NELFCD: variants seen among roughly 807,000 people sequenced by gnomAD.
NELFCD encodes the protein negative elongation factor C/D.
NELFCD carries 48 observed loss-of-function variants against 72.9 expected under a neutral mutation model. That is an observed-to-expected ratio of 0.66 (90% CI 0.52 to 0.84). The LOEUF (loss-of-function observed/expected upper bound fraction) is 0.84, where lower values mean the gene tolerates loss of function less well. Ranked by LOEUF, NELFCD falls within the 40% of genes least tolerant of loss-of-function variation. NELFCD has a pLI of 0.00. For synonymous variants in NELFCD, 297 were observed against 280.6 expected (o/e 1.06, Z -0.59); for missense variants, 538 against 723.8 (o/e 0.74, Z 2.94).
chr20:58,984,893 G>C (rs1173164316), intron 1 of NELFCD, among the ~76,000 whole-genome samples: 1 of 152,190 alleles, frequency 6.6e-6, no homozygotes, highest in Non-Finnish European at 1.5e-5. Flanking sequence ...GGTGAAGTCC[G>C]GCCTCTGTCA....
chr20:58,985,437 G>A (rs1009842600), intron 1 of NELFCD, among the ~76,000 whole-genome samples: 2 of 152,194 alleles, frequency 1.3e-5, no homozygotes, highest in African/African-American at 4.8e-5. Context: ...AGTTGGACAG[G>A]GTTTGGGATC....
chr20:58,981,453 G>A (rs1270135872), intron 1 of NELFCD, 84 bp downstream of exon 1: 1 of 520,184 alleles, frequency 1.9e-6, no homozygotes, highest in Non-Finnish European at 2.5e-6. Context: ...GAGAGGCCGC[G>A]CGGCGCGAGG....
chr20:58,993,858 A>G lies in NELFCD; in HGVS notation c.1581+94A>G, dbSNP rs1046297000. The G allele has an allele frequency of 9.2e-6, 13 of 1,407,390 alleles. No homozygotes were observed. In the African/African-American group the frequency reaches 1.6e-4, roughly 17 times the overall value. 87.2% of individuals were successfully genotyped at this position (1,407,390 alleles called of 1,614,324 possible). On this transcript the variant is annotated intron_variant, in intron 13 of 14. Transcript: ENST00000652272. The surrounding 1 kb of genome is among the most constrained non-coding windows in gnomAD (Gnocchi z 5.0). ...TAGTTCATTTTGTACCTAACTGAGA[A>G]CTGTGCTTTCTGATGTAGTGATGAC...
In NELFCD at chr20:58,986,460, G is replaced by T; in HGVS notation, c.176+252G>T. 1.8e-6 allele frequency: 1 copy of T among 557,040 alleles called. No individual in the cohort carries two copies. Among genetic ancestry groups the T allele is most frequent in the Admixed American group, 3.5e-5 (1 of 28,254 alleles). The allele number at this position is 557,040 out of a possible 1,614,324, so 34.5% of individuals were successfully genotyped here. ...GGAATCAAGCAGTTCTCCCACCTCA[G>T]CCTTGCAAGGTGGCCACCACAGGCG... On this transcript the variant is annotated intron_variant, in intron 2 of 14. Transcript: ENST00000652272. This position sits in a 1 kb window ranked among gnomAD's most constrained non-coding sequence, Gnocchi z 4.4.
At chr20:58,989,187 T>C (rs1329983315) in intron 5 of NELFCD, 166 bp downstream of exon 5, 2 of 636,024 alleles carry the variant, frequency 3.1e-6, no homozygotes, top group Non-Finnish European at 5.5e-6. Flanking sequence ...AATTTGTATC[T>C]GTTTTTGGGT....
chr20:58,988,942 C>G lies in NELFCD; in HGVS notation c.425C>G (p.Ala142Gly). Reference sequence around the variant, plus strand: ...CCAGCGTGGCTGGAACAGATGATTGCACATACCACGTGGCGGGACCTTTTT... The same window carrying G: ...CCAGCGTGGCTGGAACAGATGATTGGACATACCACGTGGCGGGACCTTTTT... The part of the protein sequence containing the change: ...ETPAWLEQMI[A>G]HTTWRDLFYK... The change falls in exon 5 of 15, where the codon GCA (alanine) becomes GGA (glycine). Residue 142 changes from alanine (A) to glycine (G), a missense_variant. Physicochemically the swap from Ala to Gly is moderately conservative, Grantham distance 60. This residue lies in a region of NELFCD where 355 missense variants were observed against 534.5 expected (regional missense o/e 0.66). Coordinates refer to ENST00000652272, the MANE Select transcript of NELFCD (RefSeq NM_198976.4). The G allele has an allele frequency of 3.7e-6, 6 of 1,614,144 alleles. No individual in the cohort carries two copies. The highest frequency in any genetic ancestry group is 5.1e-6 in the Non-Finnish European group (6 of 1,179,962).
In NELFCD at chr20:58,991,053, T is replaced by C; in HGVS notation, c.932T>C (p.Met311Thr). Residue 311 changes from methionine to threonine, a missense_variant, in exon 8 of 15, where the codon ATG becomes ACG. By Grantham distance (81) the Met-to-Thr change is moderately conservative. Transcript: ENST00000652272. ...GTCCTGTTCAAGATGTTCACAAGCATGGACCCTCCTCCGGTTGAACTTGTA... is the reference window on the plus strand; with the variant it reads ...GTCCTGTTCAAGATGTTCACAAGCACGGACCCTCCTCCGGTTGAACTTGTA... The part of the protein sequence containing the change: ...ITVLFKMFTS[M>T]DPPPVELIRV... 6.2e-7 allele frequency: 1 copy of C among 1,613,764 alleles called. No homozygotes were observed. The highest frequency in any genetic ancestry group is 8.5e-7 in the Non-Finnish European group (1 of 1,179,814).
At chr20:58,992,287 T>TTTATA (rs2146355323) in intron 10 of NELFCD, among the ~76,000 whole-genome samples, 1 of 152,322 alleles carries the variant, frequency 6.6e-6, no homozygotes, top group East Asian at 1.9e-4. Context: ...GAAGGGTCTA[T>TTTATA]TTATAGGTAA....
Position 58,993,058 on chromosome 20 carries a change from G to A in NELFCD, c.1290G>A (p.Arg430=), listed in dbSNP as rs189567482. The change falls in exon 11 of 15, where the codon AGG becomes AGA. Residue 430 remains arginine (R), a synonymous_variant. Transcript: ENST00000652272. The surrounding 1 kb of genome is among the most constrained non-coding windows in gnomAD (Gnocchi z 5.0). ...KWVDWTVSEP[R]YFQLQTDHTP... ...TGGATTGGACTGTATCAGAACCAAG[G>A]TACTTTCAGCTGCAGACTGACCATA... is the stretch of plus-strand genomic sequence containing the variant. The A allele has an allele frequency of 1.7e-5, 27 of 1,614,166 alleles. No individual in the cohort carries two copies. The East Asian group carries it at 5.3e-4, about 32-fold the overall frequency.
At chr20:58,985,412 G>T (rs1231940722) in intron 1 of NELFCD, among the ~76,000 whole-genome samples, 1 of 152,214 alleles carries the variant, frequency 6.6e-6, no homozygotes, top group African/African-American at 2.4e-5. Context: ...TTGTTAGTTA[G>T]GGTGGCAGTG....
intron 4 of NELFCD, 143 bp from the exon 5 acceptor site, chr20:58,988,771 G>GCT: frequency 3.2e-6 from 2 of 617,772 alleles, no homozygotes; most frequent in Non-Finnish European, 5.8e-6. Flanking sequence ...GCTGTGGCCA[G>GCT]CTCTGGGTCT....
chr20:58,982,048 C>T (rs1037154695), intron 1 of NELFCD, among the ~76,000 whole-genome samples: 1 of 151,786 alleles, frequency 6.6e-6, no homozygotes, highest in African/African-American at 2.4e-5. Context: ...CTCTAAAGAC[C>T]CAACTGAGGC....
Position 58,993,817 on chromosome 20 carries a change from C to T in NELFCD, c.1581+53C>T, listed in dbSNP as rs550874259. The T allele has an allele frequency of 4.1e-5, 65 of 1,583,244 alleles. No individual in the cohort carries two copies. The African/African-American group carries it at 7.7e-4, about 19-fold the overall frequency. ...TTCATACTGTTTACACTAGCACTGC[C>T]CTTTTTGGCTTAATTTAGTTCATTT... On this transcript the variant is annotated intron_variant, in intron 13 of 14. Coordinates refer to ENST00000652272, the MANE Select transcript of NELFCD (RefSeq NM_198976.4). The surrounding 1 kb of genome is among the most constrained non-coding windows in gnomAD (Gnocchi z 5.0).
Position 58,989,999 on chromosome 20 carries a change from CTG to C in NELFCD, c.788+13_788+14del. ...CTTTGCCCAGGAGAAGTGAGAGGCCCTGTTTCTGCTCAGCCCTTCCTTCCTAG... is the reference window on the plus strand; with the variant it reads ...CTTTGCCCAGGAGAAGTGAGAGGCCCTTTCTGCTCAGCCCTTCCTTCCTAG... On this transcript the variant is annotated intron_variant, in intron 7 of 14. Transcript: ENST00000652272. 4 of 1,610,668 alleles carry C rather than the reference CTG, an allele frequency of 2.5e-6. No individual in the cohort carries two copies. Among genetic ancestry groups the C allele is most frequent in the Non-Finnish European group, 3.4e-6 (4 of 1,179,912 alleles).
Position 58,994,974 on chromosome 20 carries a change from C to T in NELFCD, c.*298C>T, listed in dbSNP as rs1031704197. ...CCTCAGGACAGATCTGGCCGTCAGC[C>T]GCGGGCCGCTGGGAACTCCACTCGG... On this transcript the variant is annotated 3_prime_UTR_variant, in exon 15 of 15. Transcript: ENST00000652272. The T allele has an allele frequency of 1.2e-5, 4 of 331,198 alleles. No homozygotes were observed. Among genetic ancestry groups the T allele is most frequent in the African/African-American group, 2.1e-5 (1 of 46,806 alleles). The allele number at this position is 331,198 out of a possible 1,614,324, so 20.5% of individuals were successfully genotyped here. A position where few individuals can be genotyped will look rare whatever the true frequency, so the allele number is the denominator to read the frequency against.
At position 58,993,899 on chromosome 20, in the gene NELFCD, T is replaced by G. The variant is rs2091837127; in HGVS notation, c.1581+135T>G. The G allele has an allele frequency of 8.3e-7, 1 of 1,210,294 alleles. No individual in the cohort carries two copies. Among genetic ancestry groups the G allele is most frequent in the South Asian group, 1.4e-5 (1 of 71,692 alleles). The allele number at this position is 1,210,294 out of a possible 1,614,324, so 75.0% of individuals were successfully genotyped here. A position where few individuals can be genotyped will look rare whatever the true frequency, so the allele number is the denominator to read the frequency against. On this transcript the variant is annotated intron_variant, in intron 13 of 14. Coordinates refer to ENST00000652272, the MANE Select transcript of NELFCD (RefSeq NM_198976.4). The surrounding 1 kb of genome is among the most constrained non-coding windows in gnomAD (Gnocchi z 5.0). The stretch of plus-strand genomic sequence containing the variant: ...TAGTGATGACAATGACAGATACTCG[T>G]TTACCAAAAAGCACCTTCTGCCTGC...
chr20:58,986,563 G>A lies in NELFCD; in HGVS notation c.177-191G>A, dbSNP rs566641715. The stretch of plus-strand genomic sequence containing the variant: ...TCCTTACGTTGCCCTGGCTGCTCTT[G>A]AACTCCTAGGCTCAAGTGATTCTCC... On this transcript the variant is annotated intron_variant, in intron 2 of 14. Transcript: ENST00000652272. The surrounding 1 kb of genome is among the most constrained non-coding windows in gnomAD (Gnocchi z 4.4). 3.1e-4 allele frequency: 188 copies of A among 606,188 alleles called. 3 individuals carry two copies. The South Asian group carries it at 3.4e-3, about 11-fold the overall frequency. The allele number at this position is 606,188 out of a possible 1,614,324, so 37.6% of individuals were successfully genotyped here.
At chr20:58,988,513 A>G (rs2091789081) in intron 4 of NELFCD, among the ~76,000 whole-genome samples, 1 of 152,222 alleles carries the variant, frequency 6.6e-6, no homozygotes, top group African/African-American at 2.4e-5. Context: ...GAGAGCTGAG[A>G]GAAATGTTTT....
At chr20:58,988,619 G>A (rs1055970844) in intron 4 of NELFCD, among the ~76,000 whole-genome samples, 1 of 152,050 alleles carries the variant, frequency 6.6e-6, no homozygotes, top group African/African-American at 2.4e-5. Flanking sequence ...GGCAGCATGA[G>A]CTCCCTGTGT....
Sources: allele counts gnomAD v4.1 joint callset (sites outside exome capture counted in the v4.1 genomes callset), GRCh38; gene constraint gnomAD v4.1.1; regional missense constraint gnomAD v4.1.1; non-coding constraint Gnocchi (gnomAD v3.1); transcripts MANE v1.5; gene names NCBI Gene and HGNC (gene_info 2026-07-23, HGNC 2026-07-21).